The following NLK variants were observed in gnomAD, a reference collection of about 807,000 sequenced individuals.
NLK encodes the protein serine/threonine-protein kinase NLK.
In NLK, 11 loss-of-function variants were observed where a neutral mutation model predicts 59.0. The ratio of observed to expected loss-of-function variants is 0.19; its 90% CI spans 0.12 to 0.31. The LOEUF is 0.31. Among genes scored for constraint, NLK ranks in the 10% least tolerant of loss-of-function variants. The pLI is 1.00. For synonymous variants in NLK, 235 were observed against 235.9 expected, an observed-to-expected ratio of 1.00 and a Z score of 0.03; for missense variants, 410 against 661.1, an observed-to-expected ratio of 0.62 and a Z score of 4.16.
At chr17:28,155,836 G>T (rs528720500) in intron 3 of NLK, among the ~76,000 whole-genome samples, 1 of 152,256 alleles carries the variant, frequency 6.6e-6, no homozygotes, top group African/African-American at 2.4e-5. Flanking sequence ...TGTGAATGAT[G>T]ATTTGATGGG....
At chr17:28,043,498 G>T (rs1423037140) in intron 1 of NLK, among the ~76,000 whole-genome samples, 167 bp downstream of exon 1, 1 of 152,228 alleles carries the variant, frequency 6.6e-6, no homozygotes, top group Non-Finnish European at 1.5e-5. Context: ...CTAATGCATT[G>T]GCTGTCTAGG....
chr17:28,116,138 CATTT>C (rs1234760220), intron 1 of NLK: 2 of 152,134 alleles, frequency 1.3e-5, no homozygotes, highest in Non-Finnish European at 2.9e-5. Flanking sequence ...GACATTTCCT[CATTT>C]ATATTTTTAA....
intron 7 of NLK, among the ~76,000 whole-genome samples, chr17:28,176,879 A>G (rs1181822496): frequency 1.3e-5 from 2 of 152,118 alleles, no homozygotes; most frequent in Non-Finnish European, 2.9e-5. Context: ...CACAAATACA[A>G]TGGGCCCTTA....
chr17:28,122,522 T>G (rs1906110620), intron 1 of NLK, 81 bp from the exon 2 acceptor site: 1 of 1,444,674 alleles, frequency 6.9e-7, no homozygotes, highest in African/African-American at 1.4e-5. Flanking sequence ...GATATTGTCA[T>G]GATCTGAAAC....
At chr17:28,172,116 CAGGAATTTATTTAAATTCCTTTACATG>C (rs1908487294) in intron 6 of NLK, among the ~76,000 whole-genome samples, 1 of 140,592 alleles carries the variant, frequency 7.1e-6, no homozygotes, top group African/African-American at 2.8e-5. Context: ...GGAATAATAA[CAGGAATTTATTTAAATTCCTTTACATG>C]AGGAATTTAT....
intron 2 of NLK, among the ~76,000 whole-genome samples, chr17:28,122,948 G>GCA (rs144768705): frequency 2.6e-5 from 4 of 152,008 alleles, no homozygotes; most frequent in African/African-American, 4.8e-5. Flanking sequence ...TGAAAGAGAT[G>GCA]CACACACACA....
At chr17:28,099,413 C>T (rs897293963) in intron 1 of NLK, among the ~76,000 whole-genome samples, 5 of 152,094 alleles carry the variant, frequency 3.3e-5, no homozygotes, top group Admixed American at 2.0e-4. Context: ...AAGTTTCTTC[C>T]TGTTTCTTTG....
chr17:28,168,436 T>C lies in NLK; in HGVS notation c.838-12T>C. On this transcript the variant is annotated splice_polypyrimidine_tract_variant and intron_variant, in intron 5 of 10. Coordinates refer to ENST00000407008, the MANE Select transcript of NLK (RefSeq NM_016231.5). ...TTTGCTTGATAATGTTTTGATTGCC[T>C]TTTCTGTCTAGATTTGTGATTTTGG... The C allele has an allele frequency of 1.3e-6, 2 of 1,594,638 alleles. No homozygotes were observed. Among genetic ancestry groups the C allele is most frequent in the Non-Finnish European group, 1.7e-6 (2 of 1,162,562 alleles).
In NLK at chr17:28,122,636, A is replaced by G; in HGVS notation, c.492A>G (p.Val164=). 1 of 1,613,874 alleles carries G rather than the reference A, an allele frequency of 6.2e-7. No individual in the cohort carries two copies. The highest frequency in any genetic ancestry group is 8.5e-7 in the Non-Finnish European group (1 of 1,179,792). The change falls in exon 2 of 11, where the codon GTA becomes GTG. Residue 164 remains valine (V), a synonymous_variant. Transcript: ENST00000407008. ...SVTDPRDGKR[V]ALKKMPNVFQ... ...CAGATCCAAGAGATGGAAAGAGAGTAGCGCTCAAAAAGATGCCCAACGTCT... is the reference window on the plus strand; with the variant it reads ...CAGATCCAAGAGATGGAAAGAGAGTGGCGCTCAAAAAGATGCCCAACGTCT...
chr17:28,146,353 C>T (rs866140851), intron 3 of NLK, among the ~76,000 whole-genome samples: 25 of 151,364 alleles, frequency 1.7e-4, no homozygotes, highest in Middle Eastern at 6.8e-3. Flanking sequence ...AAAAAAAACT[C>T]ATTTCCCCTC....
chr17:28,145,752 C>G (rs1907218245), intron 3 of NLK, among the ~76,000 whole-genome samples: 1 of 152,044 alleles, frequency 6.6e-6, no homozygotes, highest in South Asian at 2.1e-4. Context: ...GTCACCCAGG[C>G]TGGAGTGCAG....
intron 2 of NLK, among the ~76,000 whole-genome samples, chr17:28,124,995 C>T (rs1363656867): frequency 6.6e-6 from 1 of 151,928 alleles, no homozygotes; most frequent in Non-Finnish European, 1.5e-5. Context: ...TTGCAGTGAG[C>T]CAAGATCACG....
At chr17:28,109,253 T>C (rs1905358811) in intron 1 of NLK, among the ~76,000 whole-genome samples, 2 of 152,202 alleles carry the variant, frequency 1.3e-5, no homozygotes, top group Admixed American at 6.5e-5. Flanking sequence ...TGTGACCTAT[T>C]TGGATGAATG....
chr17:28,108,180 C>T (rs1448447267), intron 1 of NLK, among the ~76,000 whole-genome samples: 1 of 152,072 alleles, frequency 6.6e-6, no homozygotes, highest in East Asian at 1.9e-4. Flanking sequence ...GCCGAGATCA[C>T]ATCACTGTGC....
At chr17:28,079,871 A>C (rs1388670196) in intron 1 of NLK, among the ~76,000 whole-genome samples, 1 of 152,194 alleles carries the variant, frequency 6.6e-6, no homozygotes, top group African/African-American at 2.4e-5. Flanking sequence ...TTGGTATCAT[A>C]TCCAAGAAAT....
chr17:28,063,311 T>C (rs1267984873), intron 1 of NLK, among the ~76,000 whole-genome samples: 3 of 152,216 alleles, frequency 2.0e-5, no homozygotes, highest in African/African-American at 4.8e-5. Flanking sequence ...TGAGAACATC[T>C]TAACCTCAAA....
intron 3 of NLK, among the ~76,000 whole-genome samples, chr17:28,155,034 C>T (rs139034945): frequency 3.0e-4 from 45 of 152,128 alleles, no homozygotes; most frequent in African/African-American, 1.1e-3. Flanking sequence ...AAGACTCCAT[C>T]TCAAAAAATA....
chr17:28,168,497 A>C lies in NLK; in HGVS notation c.887A>C (p.His296Pro), dbSNP rs1047696638. ...GTGGAAGAATTAGATGAATCCCGTC[A>C]TATGACTCAGGAAGTTGTTACTCAG... ...ARVEELDESR[H>P]MTQEVVTQYY... The change falls in exon 6 of 11, where the codon CAT (histidine) becomes CCT (proline). Residue 296 changes from histidine (H) to proline (P), a missense_variant. Physicochemically the swap from His to Pro is moderately conservative, Grantham distance 77. This residue lies in a region of NLK where 150 missense variants were observed against 244.3 expected (regional missense o/e 0.61). Transcript: ENST00000407008. 1.9e-6 allele frequency: 3 copies of C among 1,613,862 alleles called. No homozygotes were observed. Among genetic ancestry groups the C allele is most frequent in the African/African-American group, 2.7e-5 (2 of 74,936 alleles).
intron 1 of NLK, among the ~76,000 whole-genome samples, chr17:28,077,221 G>A (rs1316449600): frequency 1.3e-5 from 2 of 151,376 alleles, no homozygotes; most frequent in African/African-American, 2.4e-5. Context: ...CTTGAGACTG[G>A]GAAGAAAAAG....
Sources: allele counts gnomAD v4.1 joint callset (sites outside exome capture counted in the v4.1 genomes callset), GRCh38; gene constraint gnomAD v4.1.1; regional missense constraint gnomAD v4.1.1; transcripts MANE v1.5; gene names NCBI Gene and HGNC (gene_info 2026-07-23, HGNC 2026-07-21).